Variants in CNTN6 observed in about 807,000 individuals in gnomAD.
CNTN6 encodes contactin-6.
In CNTN6, 137 loss-of-function variants were observed where a neutral mutation model predicts 122.8. That is an observed-to-expected ratio of 1.12 (90% CI 0.97 to 1.29). The LOEUF is 1.29. Ranked by LOEUF, CNTN6 falls within the 50% of genes most tolerant of loss-of-function variation. CNTN6 has a pLI of 0.00. For missense variants in CNTN6, 1,634 were observed against 1,223.4 expected (o/e 1.34, Z -5.01); for synonymous variants, 570 against 426.0 (o/e 1.34, Z -4.16).
chr3:1,254,013 C>A (rs943828214), intron 4 of CNTN6, among the ~76,000 whole-genome samples: 1 of 152,116 alleles, frequency 6.6e-6, no homozygotes, highest in African/African-American at 2.4e-5. Context: ...GTTCTAGTAA[C>A]CGACATTTTT....
At chr3:1,390,584 G>C (rs1693971212) in intron 20 of CNTN6, among the ~76,000 whole-genome samples, 2 of 152,032 alleles carry the variant, frequency 1.3e-5, no homozygotes, top group African/African-American at 4.8e-5. Flanking sequence ...AGGAAATAGA[G>C]ACACAAAAAA....
At position 1,372,820 on chromosome 3, in the gene CNTN6, C is replaced by T; in HGVS notation, c.1669-18C>T. The T allele has an allele frequency of 1.4e-6, 2 of 1,448,482 alleles. No individual in the cohort carries two copies. Among genetic ancestry groups the T allele is most frequent in the Non-Finnish European group, 9.6e-7 (1 of 1,043,044 alleles). The allele number at this position is 1,448,482 out of a possible 1,614,324, so 89.7% of individuals were successfully genotyped here. A position where few individuals can be genotyped will look rare whatever the true frequency, so the allele number is the denominator to read the frequency against. ...TATGGGCTTACGTTTTTATCCATTTCTCCCTTTCTGTCTGCAGGAATCTGT... is the reference window on the plus strand; with the variant it reads ...TATGGGCTTACGTTTTTATCCATTTTTCCCTTTCTGTCTGCAGGAATCTGT... On this transcript the variant is annotated intron_variant, in intron 13 of 22. Coordinates refer to ENST00000446702, the MANE Select transcript of CNTN6 (RefSeq NM_001289080.2).
At chr3:1,167,692 C>T (rs1410404251) in intron 2 of CNTN6, among the ~76,000 whole-genome samples, 1 of 152,018 alleles carries the variant, frequency 6.6e-6, no homozygotes, top group Non-Finnish European at 1.5e-5. Flanking sequence ...AGAAGCTTGC[C>T]CCAAGGTACA....
rs557365444 is a variant in CNTN6, at chr3:1,387,290, G to C, written c.2704+1493G>C. Reference sequence around the variant, plus strand: ...AGTCCACCCAGTTTTAGACAGGCTGGGCTGTGAGTTATTTTCAAGAATGGA... The same window carrying C: ...AGTCCACCCAGTTTTAGACAGGCTGCGCTGTGAGTTATTTTCAAGAATGGA... On this transcript the variant is annotated intron_variant, in intron 20 of 22. Transcript: ENST00000446702. 7.2e-5 allele frequency among the ~76,000 whole-genome samples: 11 copies of C among 152,270 alleles called. No individual in the cohort carries two copies. The South Asian group carries it at 2.3e-3, about 32-fold the overall frequency.
chr3:1,348,150 C>A (rs1705031500), intron 11 of CNTN6, among the ~76,000 whole-genome samples: 2 of 46,350 alleles, frequency 4.3e-5, no homozygotes, highest in African/African-American at 1.9e-4. Context: ...TATTTCTATG[C>A]TATAGACAAA....
intron 2 of CNTN6, among the ~76,000 whole-genome samples, chr3:1,202,552 A>AAAT (rs1287242644): frequency 2.8e-4 from 4 of 14,224 alleles, no homozygotes; most frequent in African/African-American, 2.1e-3. Context: ...AAAAATAAAT[A>AAAT]AATAAATAAA....
chr3:1,139,269 G>A (rs184963667), intron 1 of CNTN6, among the ~76,000 whole-genome samples: 1 of 152,170 alleles, frequency 6.6e-6, no homozygotes, highest in African/African-American at 2.4e-5. Context: ...TTAGTCATTA[G>A]TAAGTAGTCC....
chr3:1,115,950 G>A (rs2091701758), intron 1 of CNTN6, among the ~76,000 whole-genome samples: 1 of 152,108 alleles, frequency 6.6e-6, no homozygotes, highest in African/African-American at 2.4e-5. Flanking sequence ...GATGATAGTA[G>A]CAGTAACGTC....
chr3:1,387,505 G>T (rs1693211545), intron 20 of CNTN6, among the ~76,000 whole-genome samples: 1 of 152,188 alleles, frequency 6.6e-6, no homozygotes, highest in Admixed American at 6.5e-5. Context: ...AGATTACCTA[G>T]ACATTTAGTT....
chr3:1,219,237 T>C (rs2094171778), intron 2 of CNTN6, among the ~76,000 whole-genome samples: 1 of 152,232 alleles, frequency 6.6e-6, no homozygotes, highest in African/African-American at 2.4e-5. Flanking sequence ...GGTACCACCT[T>C]AGTCAAATGA....
chr3:1,341,982 A>G (rs758881738), intron 11 of CNTN6, among the ~76,000 whole-genome samples: 15 of 152,298 alleles, frequency 9.8e-5, no homozygotes, highest in Non-Finnish European at 1.3e-4. Flanking sequence ...TCAGTTAACT[A>G]CCTAAAGACC....
intron 17 of CNTN6, among the ~76,000 whole-genome samples, chr3:1,377,434 A>G (rs899958175): frequency 1.3e-5 from 2 of 152,106 alleles, no homozygotes; most frequent in African/African-American, 4.8e-5. Flanking sequence ...GTAGGCAAAA[A>G]ATAGTTCTTG....
chr3:1,153,273 G>C (rs1052538799), intron 2 of CNTN6, among the ~76,000 whole-genome samples: 4 of 152,158 alleles, frequency 2.6e-5, no homozygotes, highest in African/African-American at 9.7e-5. Context: ...TGGCAGACTA[G>C]AATCAAAGCC....
At chr3:1,297,143 T>A (rs750206066) in intron 6 of CNTN6, among the ~76,000 whole-genome samples, 1 of 152,140 alleles carries the variant, frequency 6.6e-6, no homozygotes, top group Admixed American at 6.5e-5. Flanking sequence ...AAATTAAGTA[T>A]TTTTATTTCA....
chr3:1,325,358 C>T (rs17037701), intron 8 of CNTN6, among the ~76,000 whole-genome samples: 7,488 of 151,880 alleles, frequency 0.049, 238 homozygotes, highest in African/African-American at 0.071. Context: ...ATTTATGCTT[C>T]AAGGTATTGA....
rs1693327208 is a variant in CNTN6, at chr3:1,281,063, T to A, written c.454+2555T>A. Reference sequence around the variant, plus strand: ...CAGATCATGCCCACAAAAGCTGAAGTCAGTTTCTTTAAATCAACCTGTGCC... The same window carrying A: ...CAGATCATGCCCACAAAAGCTGAAGACAGTTTCTTTAAATCAACCTGTGCC... On this transcript the variant is annotated intron_variant, in intron 5 of 22. Coordinates refer to ENST00000446702, the MANE Select transcript of CNTN6 (RefSeq NM_001289080.2). Among the ~76,000 whole-genome samples the A allele has an allele frequency of 2.6e-5, 4 of 152,248 alleles. 1 individual carries two copies. The South Asian group carries it at 8.3e-4, about 32-fold the overall frequency.
At chr3:1,313,851 G>A (rs997156470) in intron 7 of CNTN6, among the ~76,000 whole-genome samples, 1 of 152,008 alleles carries the variant, frequency 6.6e-6, no homozygotes, top group African/African-American at 2.4e-5. Context: ...TGAGATGTCT[G>A]GTGAGGGCTG....
chr3:1,315,202 A>G (rs891645630), intron 7 of CNTN6, among the ~76,000 whole-genome samples: 3 of 151,974 alleles, frequency 2.0e-5, no homozygotes, highest in Non-Finnish European at 2.9e-5. Flanking sequence ...TCTTTATCTG[A>G]TTAATATATT....
At chr3:1,364,995 A>C (rs1198492524) in intron 12 of CNTN6, among the ~76,000 whole-genome samples, 1 of 152,026 alleles carries the variant, frequency 6.6e-6, no homozygotes, top group Non-Finnish European at 1.5e-5. Context: ...ATCTTCAAAA[A>C]GTGGCTAGTT....
Sources: gnomAD v4.1 joint callset for allele counts (sites outside exome capture counted in the v4.1 genomes callset) on GRCh38, gnomAD v4.1.1 for gene constraint, MANE v1.5 for transcripts, NCBI Gene and HGNC (gene_info 2026-07-23, HGNC 2026-07-21) for gene names.